RABGAP1L: variants seen among roughly 807,000 people sequenced by gnomAD.
The protein encoded by RABGAP1L is rab GTPase-activating protein 1-like.
Under a neutral mutation model 137.7 loss-of-function variants are expected in RABGAP1L, and 63 were observed. That is an observed-to-expected ratio of 0.46 (90% CI 0.37 to 0.56). The LOEUF is 0.56. Among genes scored for constraint, RABGAP1L ranks in the 20% least tolerant of loss-of-function variants. The pLI, the probability that RABGAP1L is intolerant of heterozygous loss-of-function variation, is 0.00. For missense variants in RABGAP1L, 1,095 were observed against 1,244.0 expected (o/e 0.88, Z 1.80); for synonymous variants, 431 against 433.7 (o/e 0.99, Z 0.08).
chr1:174,486,223 C>CTTTTTTTTTTT (rs201692363), intron 13 of RABGAP1L, among the ~76,000 whole-genome samples: 2 of 119,878 alleles, frequency 1.7e-5, no homozygotes, highest in Non-Finnish European at 3.5e-5. Context: ...GTTCTTTTTT[C>CTTTTTTTTTTT]TTTTTTTTTT....
chr1:174,900,442 G>C (rs1457088088), intron 19 of RABGAP1L, among the ~76,000 whole-genome samples: 3 of 152,164 alleles, frequency 2.0e-5, no homozygotes, highest in African/African-American at 7.2e-5. Context: ...GATGTTGCTT[G>C]GTGTGTGTGG....
intron 12 of RABGAP1L, among the ~76,000 whole-genome samples, chr1:174,378,045 T>C (rs1685730144): frequency 6.9e-6 from 1 of 144,384 alleles, no homozygotes; most frequent in South Asian, 2.2e-4. Flanking sequence ...GTTTGGTTTT[T>C]TGTTCTTGCG....
chr1:174,179,503 A>C (rs1388727386), intron 1 of RABGAP1L, among the ~76,000 whole-genome samples: 1 of 151,996 alleles, frequency 6.6e-6, no homozygotes, highest in Non-Finnish European at 1.5e-5. Flanking sequence ...AAAAGGTTGG[A>C]GATAATTTTT....
intron 13 of RABGAP1L, among the ~76,000 whole-genome samples, chr1:174,556,638 A>G (rs1351088533): frequency 1.3e-5 from 2 of 152,214 alleles, no homozygotes; most frequent in Non-Finnish European, 2.9e-5. Context: ...GAAATAATAG[A>G]CATTACACAT....
intron 11 of RABGAP1L, among the ~76,000 whole-genome samples, chr1:174,370,463 CTTTTTTTTTTTTTT>C (rs1183875194): frequency 5.3e-5 from 2 of 37,872 alleles, no homozygotes; most frequent in South Asian, 1.3e-3. Context: ...TTAAAAATAC[CTTTTTTTTTTTTTT>C]TTTTTTTTTT....
intron 18 of RABGAP1L, among the ~76,000 whole-genome samples, chr1:174,783,707 C>CTTTTTTTTTTTTTTTTTTTTT (rs34367315): frequency 2.0e-5 from 2 of 102,476 alleles, no homozygotes; most frequent in Non-Finnish European, 1.9e-5. Flanking sequence ...TCTTCTTCTT[C>CTTTTTTTTTTTTTTTTTTTTT]TTTTTTTTTT....
chr1:174,839,307 A>G (rs1260159420), intron 19 of RABGAP1L, among the ~76,000 whole-genome samples: 2 of 152,152 alleles, frequency 1.3e-5, no homozygotes, highest in Non-Finnish European at 2.9e-5. Flanking sequence ...GAAACCTTAC[A>G]ATAGCTGTTC....
At chr1:174,378,483 T>A (rs2149028793) in intron 12 of RABGAP1L, among the ~76,000 whole-genome samples, 1 of 151,762 alleles carries the variant, frequency 6.6e-6, no homozygotes, top group South Asian at 2.1e-4. Context: ...CCATTCTGAC[T>A]GGTGTGAGAT....
chr1:174,953,133 C>A (rs1667991683), intron 19 of RABGAP1L, among the ~76,000 whole-genome samples: 1 of 151,302 alleles, frequency 6.6e-6, no homozygotes, highest in East Asian at 2.0e-4. Flanking sequence ...AGGGTGATAT[C>A]ACTGGTTGAT....
chr1:174,485,905 T>C (rs1046649039), intron 13 of RABGAP1L, among the ~76,000 whole-genome samples: 6 of 152,208 alleles, frequency 3.9e-5, no homozygotes, highest in African/African-American at 1.4e-4. Context: ...ATAGTTTGAT[T>C]CAGATTGATA....
intron 18 of RABGAP1L, among the ~76,000 whole-genome samples, chr1:174,754,860 A>G (rs981434382): frequency 3.9e-5 from 6 of 152,232 alleles, no homozygotes; most frequent in African/African-American, 1.4e-4. Flanking sequence ...GAGAGACTTC[A>G]GATTTCTCTG....
intron 13 of RABGAP1L, among the ~76,000 whole-genome samples, chr1:174,490,387 C>T (rs958390337): frequency 6.6e-6 from 1 of 152,152 alleles, no homozygotes; most frequent in African/African-American, 2.4e-5. Context: ...CTGTGGATTA[C>T]CAGGCAGAGA....
rs909794776 is a variant in RABGAP1L at position 174,690,009 on chromosome 1, C to T, written c.1899+6413C>T. Among the ~76,000 whole-genome samples, 80 of 152,260 alleles carry T rather than the reference C, an allele frequency of 5.3e-4. 1 individual carries two copies. The highest frequency in any genetic ancestry group is 6.8e-3 in the Middle Eastern group (2 of 294). On this transcript the variant is annotated intron_variant, in intron 15 of 25. Transcript: ENST00000681986. Reference sequence around the variant, plus strand: ...TTCAAGAGAAAGAAGCATTCATTTTCCTATTCCAAGTTAATTCTTATGAAG... The same window carrying T: ...TTCAAGAGAAAGAAGCATTCATTTTTCTATTCCAAGTTAATTCTTATGAAG...
chr1:174,387,700 G>A (rs532130590), intron 12 of RABGAP1L, among the ~76,000 whole-genome samples: 1 of 152,038 alleles, frequency 6.6e-6, no homozygotes. Context: ...GACTTCTGAG[G>A]TAGAAATGAC....
chr1:174,516,928 A>T lies in RABGAP1L; in HGVS notation c.1711-120447A>T, dbSNP rs536731067. Among the ~76,000 whole-genome samples, 3 of 141,138 alleles carry T rather than the reference A, an allele frequency of 2.1e-5. No homozygotes were observed. In the East Asian group the frequency reaches 6.3e-4, roughly 30 times the overall value. 92.6% of individuals were successfully genotyped at this position (141,138 alleles called of 152,430 possible). ...GGTGACAGAGCGAGACTCTGTCTCA[A>T]AAATAAATAAATAAATAAATAAATA... is the stretch of plus-strand genomic sequence containing the variant. On this transcript the variant is annotated intron_variant, in intron 13 of 25. Coordinates refer to ENST00000681986, the MANE Select transcript of RABGAP1L (RefSeq NM_001366446.1).
At chr1:174,700,748 T>C (rs1679589084) in intron 16 of RABGAP1L, 1 of 184,168 alleles carries the variant, frequency 5.4e-6, no homozygotes, top group Non-Finnish European at 1.1e-5. Context: ...AAGAATCTGG[T>C]AAATATGGAT....
At chr1:174,881,767 T>A (rs1333667224) in intron 19 of RABGAP1L, among the ~76,000 whole-genome samples, 1 of 152,136 alleles carries the variant, frequency 6.6e-6, no homozygotes, top group Non-Finnish European at 1.5e-5. Flanking sequence ...CCCAAAGTGC[T>A]GGGATTATAG....
chr1:174,642,940 A>G (rs1469156569), intron 14 of RABGAP1L, among the ~76,000 whole-genome samples: 1 of 151,632 alleles, frequency 6.6e-6, no homozygotes, highest in Non-Finnish European at 1.5e-5. Context: ...ACGCACCACC[A>G]CTCTGGGCTA....
intron 20 of RABGAP1L, among the ~76,000 whole-genome samples, chr1:174,963,452 G>A (rs1046113108): frequency 7.9e-5 from 12 of 152,100 alleles, no homozygotes; most frequent in African/African-American, 2.9e-4. Context: ...ACCCTTGGGG[G>A]AAGAATATGC....
Sources: allele counts gnomAD v4.1 joint callset (sites outside exome capture counted in the v4.1 genomes callset), GRCh38; gene constraint gnomAD v4.1.1; transcripts MANE v1.5; gene names NCBI Gene and HGNC (gene_info 2026-07-23, HGNC 2026-07-21).